RGS8: variants seen among roughly 807,000 people sequenced by gnomAD.
The protein encoded by RGS8 is regulator of G protein signaling 8.
RGS8 carries 8 observed loss-of-function variants against 21.7 expected under a neutral mutation model. That is an observed-to-expected ratio of 0.37 (90% CI 0.22 to 0.66). The LOEUF is 0.66. Ranked by LOEUF, RGS8 falls within the 30% of genes least tolerant of loss-of-function variation. The pLI, the probability that RGS8 is intolerant of heterozygous loss-of-function variation, is 0.59. For missense variants in RGS8, 157 were observed against 217.9 expected (o/e 0.72, Z 1.76); for synonymous variants, 80 against 83.6 (o/e 0.96, Z 0.24).
At chr1:182,751,775 C>T in the RGS8 span, among the ~76,000 whole-genome samples, 6 of 152,110 alleles carry the variant, frequency 3.9e-5, no homozygotes, top group Non-Finnish European at 5.9e-5. Flanking sequence ...TTCTGATATA[C>T]AAGAATACAT....
At chr1:182,648,729 C>T (rs545165) in intron 5 of RGS8, among the ~76,000 whole-genome samples, 3,811 of 150,874 alleles carry the variant, frequency 0.025, 169 homozygotes, top group African/African-American at 0.088. Flanking sequence ...AGCGAGACTC[C>T]GTCTCAAAAA....
At chr1:182,677,737 A>G (rs557201587), upstream of RGS8, among the ~76,000 whole-genome samples, 1 of 152,150 alleles carries the variant, frequency 6.6e-6, no homozygotes, top group East Asian at 1.9e-4. Context: ...TTCTTTATTC[A>G]CTACTTTATA....
chr1:182,695,250 C>G, the RGS8 span, among the ~76,000 whole-genome samples: 2 of 152,208 alleles, frequency 1.3e-5, no homozygotes, highest in Non-Finnish European at 2.9e-5. Flanking sequence ...GAAACCTACA[C>G]TGGAAAAGAC....
intron 6 of RGS8, among the ~76,000 whole-genome samples, chr1:182,647,290 C>A (rs1432039918): frequency 2.0e-5 from 3 of 152,218 alleles, no homozygotes; most frequent in African/African-American, 7.2e-5. Context: ...TAACGCAAGT[C>A]CCCTGAAGTA....
chr1:182,648,393 G>T, intron 5 of RGS8, 90 bp from the exon 7 acceptor site: 1 of 1,376,118 alleles, frequency 7.3e-7, no homozygotes, highest in Non-Finnish European at 1.0e-6. Flanking sequence ...ATAGTGTGAG[G>T]GTGCCCCTAA....
At chr1:182,669,556 G>C in intron 3 of RGS8, 68 bp downstream of exon 4, 1 of 1,610,878 alleles carries the variant, frequency 6.2e-7, no homozygotes, top group Non-Finnish European at 8.5e-7. Context: ...TCAAATAACA[G>C]AGGGTGTGAC....
At chr1:182,710,115 G>T in the RGS8 span, among the ~76,000 whole-genome samples, 1 of 152,176 alleles carries the variant, frequency 6.6e-6, no homozygotes, top group Non-Finnish European at 1.5e-5. Flanking sequence ...TGACTCACAG[G>T]TGTGGTATGA....
the RGS8 span, among the ~76,000 whole-genome samples, chr1:182,728,014 T>C: frequency 0.16 from 24,302 of 152,242 alleles, 2,028 homozygotes; most frequent in African/African-American, 0.19. Context: ...GCCTAATATT[T>C]TGATACTCCA....
At chr1:182,657,839 T>C (rs1320371523) in intron 5 of RGS8, among the ~76,000 whole-genome samples, 1 of 152,184 alleles carries the variant, frequency 6.6e-6, no homozygotes, top group Non-Finnish European at 1.5e-5. Context: ...TTATTCCTTG[T>C]ACTTCAGTGG....
At chr1:182,657,193 C>T (rs770411512) in intron 5 of RGS8, among the ~76,000 whole-genome samples, 2 of 151,844 alleles carry the variant, frequency 1.3e-5, no homozygotes, top group Non-Finnish European at 2.9e-5. Flanking sequence ...GCCAGCTCCA[C>T]ACTGTTTCTC....
chr1:182,665,156 G>A (rs1484847445), intron 5 of RGS8, among the ~76,000 whole-genome samples: 3 of 152,186 alleles, frequency 2.0e-5, no homozygotes, highest in Admixed American at 1.3e-4. Context: ...AGAGGAGCAG[G>A]AAATGTCTAT....
chr1:182,725,067 G>A, the RGS8 span, among the ~76,000 whole-genome samples: 1 of 152,242 alleles, frequency 6.6e-6, no homozygotes, highest in East Asian at 1.9e-4. Context: ...TTACCTTTTT[G>A]TAAAGGTTAA....
chr1:182,679,444 C>T (rs760712683), intron 1 of RGS8, among the ~76,000 whole-genome samples: 5 of 152,084 alleles, frequency 3.3e-5, no homozygotes, highest in African/African-American at 4.8e-5. Flanking sequence ...GCTGCCCTTC[C>T]CCTTGGTCTC....
At chr1:182,692,578 C>G in the RGS8 span, among the ~76,000 whole-genome samples, 1 of 148,986 alleles carries the variant, frequency 6.7e-6, no homozygotes, top group Non-Finnish European at 1.5e-5. Context: ...AGTGCTATAC[C>G]TATCAAACTA....
the RGS8 span, chr1:182,734,272 C>A: frequency 6.6e-6 from 1 of 152,168 alleles, no homozygotes; most frequent in Non-Finnish European, 1.5e-5. Flanking sequence ...GCAGGTCAGT[C>A]ACAGTGTGAT....
At chr1:182,733,355 T>A in the RGS8 span, among the ~76,000 whole-genome samples, 5 of 152,232 alleles carry the variant, frequency 3.3e-5, no homozygotes, top group African/African-American at 9.6e-5. Flanking sequence ...ATTGTAGAGA[T>A]TATGATGCTA....
chr1:182,660,003 A>T (rs558758602), intron 5 of RGS8, among the ~76,000 whole-genome samples: 1 of 152,320 alleles, frequency 6.6e-6, no homozygotes, highest in Admixed American at 6.5e-5. Flanking sequence ...TCCAATCCAC[A>T]AACTCAAGCT....
chr1:182,742,025 C>T, the RGS8 span, among the ~76,000 whole-genome samples: 3 of 140,354 alleles, frequency 2.1e-5, no homozygotes, highest in Non-Finnish European at 4.7e-5. Flanking sequence ...ACTTCTCAGA[C>T]GGGGCGTCCG....
chr1:182,647,059 G>T (rs891734059), intron 6 of RGS8, 142 bp from the exon 8 acceptor site: 26 of 715,986 alleles, frequency 3.6e-5, no homozygotes, highest in Non-Finnish European at 5.5e-5. Context: ...TTCCATGGAG[G>T]TCATCCCTTT....
Sources: gnomAD v4.1 joint callset for allele counts (sites outside exome capture counted in the v4.1 genomes callset) on GRCh38, gnomAD v4.1.1 for gene constraint, MANE v1.5 for transcripts, NCBI Gene and HGNC (gene_info 2026-07-23, HGNC 2026-07-21) for gene names.